OCA2: variants seen among roughly 807,000 people sequenced by gnomAD.
OCA2 encodes OCA2 melanosomal transmembrane protein.
Under a neutral mutation model 100.2 loss-of-function variants are expected in OCA2, and 77 were observed. The observed-to-expected ratio is 0.77, with a 90% CI of 0.64 to 0.93. OCA2 has a LOEUF of 0.93. OCA2 is among the 40% of genes least tolerant of loss of function. The pLI is 0.00. For missense variants in OCA2, 1,062 were observed against 1,089.1 expected, an observed-to-expected ratio of 0.98 and a Z score of 0.35; for synonymous variants, 432 against 439.2, an observed-to-expected ratio of 0.98 and a Z score of 0.21.
At chr15:27,991,179 A>C (rs1410095767) in intron 9 of OCA2, among the ~76,000 whole-genome samples, 7 of 152,238 alleles carry the variant, frequency 4.6e-5, no homozygotes, top group Admixed American at 6.5e-5. Flanking sequence ...TGGAGCCCTC[A>C]TACATTGCTA....
At chr15:28,020,044 A>G (rs2042543661) in intron 6 of OCA2, among the ~76,000 whole-genome samples, 1 of 151,234 alleles carries the variant, frequency 6.6e-6, no homozygotes, top group South Asian at 2.1e-4. Context: ...TGCGGCCTTC[A>G]TCTCTCCCAG....
intron 1 of OCA2, among the ~76,000 whole-genome samples, chr15:28,098,070 C>T (rs1403179212): frequency 6.6e-6 from 1 of 152,204 alleles, no homozygotes; most frequent in Non-Finnish European, 1.5e-5. Context: ...CTCAGCTGCT[C>T]CAGGGGCTGG....
At chr15:28,027,819 C>T (rs2042798379) in intron 4 of OCA2, 52 bp downstream of exon 4, 2 of 1,581,402 alleles carry the variant, frequency 1.3e-6, no homozygotes, top group Non-Finnish European at 8.6e-7. Context: ...CCATGTAGGA[C>T]GCGATGTGCG....
chr15:27,786,169 G>T (rs958023793), intron 23 of OCA2, among the ~76,000 whole-genome samples: 1 of 152,142 alleles, frequency 6.6e-6, no homozygotes, highest in Admixed American at 6.5e-5. Flanking sequence ...GAACACATTT[G>T]CCTCTATTAC....
At chr15:28,083,978 A>C (rs1388629208) in intron 1 of OCA2, among the ~76,000 whole-genome samples, 1 of 152,208 alleles carries the variant, frequency 6.6e-6, no homozygotes, top group Non-Finnish European at 1.5e-5. Context: ...TGTGCCCTCC[A>C]ACAAACTCAG....
intron 10 of OCA2, among the ~76,000 whole-genome samples, chr15:27,989,917 C>T (rs1320985679): frequency 1.3e-5 from 2 of 152,230 alleles, no homozygotes; most frequent in African/African-American, 2.4e-5. Context: ...GCAGCTCCCA[C>T]ATGGCGGGAC....
chr15:27,991,641 G>A (rs1179611843), intron 9 of OCA2, among the ~76,000 whole-genome samples: 2 of 112,488 alleles, frequency 1.8e-5, no homozygotes, highest in Non-Finnish European at 4.6e-5. Context: ...TTGTGATGGT[G>A]GCAGAACTCT....
intron 1 of OCA2, among the ~76,000 whole-genome samples, chr15:28,090,703 G>A (rs1172848086): frequency 6.6e-6 from 1 of 152,084 alleles, no homozygotes; most frequent in African/African-American, 2.4e-5. Flanking sequence ...GTGATGGGAG[G>A]AAATTTACAG....
At position 27,916,295 on chromosome 15, in the gene OCA2, C is replaced by T. The variant is rs921219882; in HGVS notation, c.2079+9832G>A. On this transcript the variant is annotated intron_variant, in intron 19 of 23. Coordinates refer to ENST00000354638, the MANE Select transcript of OCA2 (RefSeq NM_000275.3). ...TAATCTGTAAGCCAAGCCCCCATGA[C>T]ATGCAGTTTACCCCTGTAACAAACC... Among the ~76,000 whole-genome samples the T allele has an allele frequency of 3.9e-5, 6 of 152,168 alleles. No homozygotes were observed. In the South Asian group the frequency reaches 8.3e-4, roughly 21 times the overall value.
intron 2 of OCA2, among the ~76,000 whole-genome samples, chr15:28,054,188 A>G (rs1480858602): frequency 2.6e-5 from 4 of 151,888 alleles, no homozygotes; most frequent in Non-Finnish European, 5.9e-5. Context: ...GTGTATGGGT[A>G]TGTGTGCACA....
intron 19 of OCA2, among the ~76,000 whole-genome samples, chr15:27,893,446 T>TG (rs1460465523): frequency 1.3e-5 from 2 of 152,248 alleles, no homozygotes; most frequent in Admixed American, 6.5e-5. Context: ...TGACTGCCTG[T>TG]GGGGTCAGGC....
At position 27,933,570 on chromosome 15, in the gene OCA2, G is replaced by A. The variant is rs890312739; in HGVS notation, c.1952-7316C>T. On this transcript the variant is annotated intron_variant, in intron 18 of 23. Transcript: ENST00000354638. ...AGCTGAGTTCGAAAAGAGAGTCAGC[G>A]AAGGGAGTTAGGGATGGGGCAGTTT... 5.3e-5 allele frequency among the ~76,000 whole-genome samples: 8 copies of A among 152,214 alleles called. 1 individual carries two copies. The highest frequency in any genetic ancestry group is 4.1e-4 in the South Asian group (2 of 4,828).
At chr15:27,986,420 A>C (rs192197059) in intron 12 of OCA2, among the ~76,000 whole-genome samples, 167 bp downstream of exon 12, 3 of 152,310 alleles carry the variant, frequency 2.0e-5, no homozygotes, top group Admixed American at 6.5e-5. Context: ...TCAGAGCCAT[A>C]CAACTTAACA....
At chr15:27,901,024 T>C (rs2037907183) in intron 19 of OCA2, among the ~76,000 whole-genome samples, 2 of 152,216 alleles carry the variant, frequency 1.3e-5, no homozygotes, top group African/African-American at 2.4e-5. Flanking sequence ...CTCTGTTTTA[T>C]GGTATTTTGT....
intron 19 of OCA2, chr15:27,896,193 G>GA (rs1385612368): frequency 1.1e-5 from 10 of 911,912 alleles, no homozygotes; most frequent in African/African-American, 9.7e-5. Context: ...GAGAGCTGTA[G>GA]ATAGAGGCTT....
intron 21 of OCA2, among the ~76,000 whole-genome samples, chr15:27,856,646 G>T (rs1219977355): frequency 6.6e-6 from 1 of 151,794 alleles, no homozygotes; most frequent in Non-Finnish European, 1.5e-5. Flanking sequence ...ACAGCTTCCA[G>T]GGAATTTAAA....
At chr15:27,820,878 T>C (rs1284613533) in intron 23 of OCA2, among the ~76,000 whole-genome samples, 1 of 152,204 alleles carries the variant, frequency 6.6e-6, no homozygotes, top group Non-Finnish European at 1.5e-5. Flanking sequence ...ATTAACCACC[T>C]ACTAAACATT....
At chr15:27,981,634 C>G (rs925723723) in intron 14 of OCA2, among the ~76,000 whole-genome samples, 1 of 152,212 alleles carries the variant, frequency 6.6e-6, no homozygotes, top group African/African-American at 2.4e-5. Context: ...TCCAGTCTGC[C>G]TGGCAGAACA....
the OCA2 span, among the ~76,000 whole-genome samples, chr15:27,722,804 C>CTCTCTT: frequency 8.1e-6 from 1 of 123,448 alleles, no homozygotes; most frequent in Non-Finnish European, 1.7e-5. Context: ...CTCTCTCTTT[C>CTCTCTT]TCTCTCTCTT....
Sources: gnomAD v4.1 joint callset for allele counts (sites outside exome capture counted in the v4.1 genomes callset) on GRCh38, gnomAD v4.1.1 for gene constraint, MANE v1.5 for transcripts, NCBI Gene and HGNC (gene_info 2026-07-23, HGNC 2026-07-21) for gene names.